The following LRP1B variants were observed in gnomAD, a reference collection of about 807,000 sequenced individuals.
LRP1B encodes the protein LDL receptor related protein 1B.
A neutral mutation model predicts 556.6 loss-of-function variants in LRP1B; 217 were observed. The observed-to-expected ratio is 0.39, with a 90% CI of 0.35 to 0.44. The LOEUF (loss-of-function observed/expected upper bound fraction) is 0.44. Among genes scored for constraint, LRP1B ranks in the 20% least tolerant of loss-of-function variants. The pLI, the probability that LRP1B is intolerant of heterozygous loss-of-function variation, is 1.00. For missense variants in LRP1B, 5,053 were observed against 5,620.8 expected, an observed-to-expected ratio of 0.90 and a Z score of 3.23; for synonymous variants, 2,047 against 1,865.8, an observed-to-expected ratio of 1.10 and a Z score of -2.50.
chr2:141,847,531 CAG>C (rs1410280414), intron 1 of LRP1B, among the ~76,000 whole-genome samples: 1 of 151,320 alleles, frequency 6.6e-6, no homozygotes, highest in Non-Finnish European at 1.5e-5. Flanking sequence ...TTTTTCCTAA[CAG>C]ATATTATAAC....
intron 6 of LRP1B, among the ~76,000 whole-genome samples, chr2:141,202,323 G>A (rs776884261): frequency 1.3e-5 from 2 of 150,032 alleles, no homozygotes; most frequent in Non-Finnish European, 3.0e-5. Context: ...CAATTGATAA[G>A]CATTAAGGTT....
At chr2:141,256,966 A>G (rs1016481936) in intron 3 of LRP1B, among the ~76,000 whole-genome samples, 1 of 152,084 alleles carries the variant, frequency 6.6e-6, no homozygotes, top group African/African-American at 2.4e-5. Context: ...CAAAGAGAAG[A>G]GGTATCAGCG....
chr2:140,857,328 C>A (rs577181590), intron 27 of LRP1B, among the ~76,000 whole-genome samples: 5 of 151,994 alleles, frequency 3.3e-5, no homozygotes, highest in African/African-American at 9.7e-5. Flanking sequence ...TGTTAATGAA[C>A]CTTATTTGTA....
chr2:141,503,323 A>G (rs1683800488), intron 2 of LRP1B, among the ~76,000 whole-genome samples: 2 of 149,786 alleles, frequency 1.3e-5, no homozygotes, highest in African/African-American at 4.9e-5. Flanking sequence ...GGAAATATAT[A>G]TATTTCCAGG....
intron 18 of LRP1B, among the ~76,000 whole-genome samples, chr2:140,953,585 G>C (rs930781783): frequency 1.2e-4 from 18 of 152,136 alleles, no homozygotes; most frequent in African/African-American, 3.9e-4. Context: ...AAGAACAACT[G>C]ATGGCTGAAC....
chr2:141,899,973 A>C, intron 1 of LRP1B, among the ~76,000 whole-genome samples: 1 of 152,010 alleles, frequency 6.6e-6, no homozygotes, highest in East Asian at 1.9e-4. Flanking sequence ...TACAAAGTGC[A>C]ACCTGGAATA....
chr2:140,511,210 T>C (rs1186470969), intron 51 of LRP1B, among the ~76,000 whole-genome samples: 1 of 151,950 alleles, frequency 6.6e-6, no homozygotes, highest in African/African-American at 2.4e-5. Context: ...CAGCCAGAGT[T>C]GTTAGGAGCA....
intron 51 of LRP1B, among the ~76,000 whole-genome samples, chr2:140,512,023 T>A (rs750215816): frequency 1.3e-5 from 2 of 152,210 alleles, no homozygotes; most frequent in Non-Finnish European, 2.9e-5. Flanking sequence ...TAACTGCATT[T>A]TTTTCTCTTA....
At chr2:140,333,418 G>A (rs1178091698) in intron 79 of LRP1B, among the ~76,000 whole-genome samples, 2 of 151,954 alleles carry the variant, frequency 1.3e-5, no homozygotes, top group East Asian at 3.9e-4. Context: ...TCAGCATTTG[G>A]AACAATTTCT....
chr2:140,514,815 G>A lies in LRP1B; in HGVS notation c.8150-43C>T, dbSNP rs371087705. The stretch of plus-strand genomic sequence containing the variant: ...GGAAAAAAAAAAATAGTTTGAGACC[G>A]TCTTACAACAGATCCGACAGTGAGA... On this transcript the variant is annotated intron_variant, in intron 50 of 90. Coordinates refer to ENST00000389484, the MANE Select transcript of LRP1B (RefSeq NM_018557.3). 70 of 1,549,262 alleles carry A rather than the reference G, an allele frequency of 4.5e-5. 1 individual carries two copies. In the Middle Eastern group the frequency reaches 8.7e-4, roughly 19 times the overall value.
intron 3 of LRP1B, among the ~76,000 whole-genome samples, chr2:141,267,921 A>T (rs1684950822): frequency 6.6e-6 from 1 of 152,164 alleles, no homozygotes; most frequent in African/African-American, 2.4e-5. Context: ...GTAAAAGGGG[A>T]TCCATATTGC....
At chr2:141,461,438 G>A (rs996666697) in intron 3 of LRP1B, among the ~76,000 whole-genome samples, 39 of 152,158 alleles carry the variant, frequency 2.6e-4, no homozygotes, top group African/African-American at 9.4e-4. Flanking sequence ...AGTAGAAATG[G>A]AGACAATGAA....
At chr2:141,783,176 T>G (rs1695318880) in intron 2 of LRP1B, among the ~76,000 whole-genome samples, 1 of 152,068 alleles carries the variant, frequency 6.6e-6, no homozygotes, top group African/African-American at 2.4e-5. Context: ...ACTGCACAGA[T>G]AATTTACCGT....
At chr2:140,417,554 C>T (rs1297638532) in intron 66 of LRP1B, among the ~76,000 whole-genome samples, 1 of 152,118 alleles carries the variant, frequency 6.6e-6, no homozygotes, top group Non-Finnish European at 1.5e-5. Flanking sequence ...ATGTTATGTG[C>T]ACTTTTGTTG....
At chr2:141,003,440 T>C (rs915386788) in intron 15 of LRP1B, among the ~76,000 whole-genome samples, 6 of 152,066 alleles carry the variant, frequency 3.9e-5, no homozygotes, top group African/African-American at 1.4e-4. Context: ...TCTTGAATTG[T>C]AACTCCCACA....
chr2:141,502,791 G>A (rs1027020137), intron 2 of LRP1B, among the ~76,000 whole-genome samples: 5 of 151,618 alleles, frequency 3.3e-5, no homozygotes, highest in African/African-American at 1.2e-4. Flanking sequence ...CCCGGGAGGC[G>A]GAGGTTGTAG....
chr2:141,368,488 A>C (rs1442668207), intron 3 of LRP1B, among the ~76,000 whole-genome samples: 1 of 152,232 alleles, frequency 6.6e-6, no homozygotes, highest in Non-Finnish European at 1.5e-5. Flanking sequence ...TTCGTACTAC[A>C]CATCCATCAT....
chr2:140,549,478 C>T (rs931192388), intron 43 of LRP1B, among the ~76,000 whole-genome samples: 1 of 152,234 alleles, frequency 6.6e-6, no homozygotes, highest in African/African-American at 2.4e-5. Flanking sequence ...GGTGTAAGCC[C>T]ACTACAGCCT....
At chr2:140,399,305 T>C (rs1302754730) in intron 66 of LRP1B, among the ~76,000 whole-genome samples, 1 of 152,180 alleles carries the variant, frequency 6.6e-6, no homozygotes, top group Non-Finnish European at 1.5e-5. Context: ...AAAATATACT[T>C]TTAACTTTCA....
Sources: allele counts gnomAD v4.1 joint callset (sites outside exome capture counted in the v4.1 genomes callset), GRCh38; gene constraint gnomAD v4.1.1; transcripts MANE v1.5; gene names NCBI Gene and HGNC (gene_info 2026-07-23, HGNC 2026-07-21).